LMF1: variants seen among roughly 807,000 people sequenced by gnomAD.
The protein encoded by LMF1 is lipase maturation factor 1.
A neutral mutation model predicts 60.6 loss-of-function variants in LMF1; 68 were observed. The ratio of observed to expected loss-of-function variants is 1.12; its 90% CI spans 0.92 to 1.37. The LOEUF (loss-of-function observed/expected upper bound fraction) is 1.37. LMF1 is among the 40% of genes most tolerant of loss of function. LMF1 has a pLI of 0.00. For missense variants in LMF1, 948 were observed against 767.2 expected (o/e 1.24, Z -2.78); for synonymous variants, 418 against 324.7 (o/e 1.29, Z -3.09).
At chr16:975,490 A>G (rs1178524988), upstream of LMF1, among the ~76,000 whole-genome samples, 1 of 152,202 alleles carries the variant, frequency 6.6e-6, no homozygotes, top group African/African-American at 2.4e-5. Flanking sequence ...CGTAACAAAC[A>G]GCCTCAGAGC....
intron 3 of LMF1, among the ~76,000 whole-genome samples, chr16:921,333 C>A (rs1346244356): frequency 6.6e-6 from 1 of 152,224 alleles, no homozygotes; most frequent in African/African-American, 2.4e-5. Flanking sequence ...CATAGCCCTT[C>A]TTGAGGGGCT....
intron 2 of LMF1, among the ~76,000 whole-genome samples, chr16:943,456 T>C (rs1394104248): frequency 6.6e-6 from 1 of 150,928 alleles, no homozygotes; most frequent in Non-Finnish European, 1.5e-5. Context: ...CTGGGTGTGG[T>C]AGTTCATGCC....
At chr16:933,932 A>G in intron 3 of LMF1, 2 of 1,368,568 alleles carry the variant, frequency 1.5e-6, no homozygotes, top group African/African-American at 1.5e-5. Flanking sequence ...TTGAGCGTCC[A>G]CGGGGGATGG....
rs528553852 is a variant in LMF1, at chr16:888,498, A to G, written c.729+4509T>C. ...GATGACAGCTGACTTCCTAAAACCC[A>G]AGTGGAGAGAGAGGACAGGCCCGGA... On this transcript the variant is annotated intron_variant, in intron 5 of 10. Coordinates refer to ENST00000262301, the MANE Select transcript of LMF1 (RefSeq NM_022773.4). Among the ~76,000 whole-genome samples, 29 of 151,920 alleles carry G rather than the reference A, an allele frequency of 1.9e-4. 1 individual carries two copies. In the South Asian group the frequency reaches 6.0e-3, roughly 32 times the overall value.
intron 5 of LMF1, among the ~76,000 whole-genome samples, chr16:880,191 C>T (rs918776707): frequency 5.3e-5 from 8 of 152,120 alleles, no homozygotes; most frequent in Non-Finnish European, 1.0e-4. Context: ...TGGGTGGGGA[C>T]GTGCCGGTTG....
intron 9 of LMF1, 109 bp downstream of exon 9, chr16:869,774 C>CT: frequency 2.4e-5 from 28 of 1,160,232 alleles, no homozygotes; most frequent in Non-Finnish European, 2.3e-5. Context: ...CTCTCCCAGC[C>CT]TCCCTCCCCA....
chr16:911,745 G>C (rs538965507), intron 3 of LMF1, among the ~76,000 whole-genome samples: 1 of 149,754 alleles, frequency 6.7e-6, no homozygotes, highest in Admixed American at 6.7e-5. Context: ...CTCCATGTGA[G>C]GCAGTGTCTC....
Position 875,115 on chromosome 16 carries a change from C to T in LMF1, c.898-3774G>A, listed in dbSNP as rs116318099. Among the ~76,000 whole-genome samples, 414 of 152,232 alleles carry T rather than the reference C, an allele frequency of 2.7e-3. 4 individuals carry two copies. The highest frequency in any genetic ancestry group is 9.2e-3 in the African/African-American group (380 of 41,524). On this transcript the variant is annotated intron_variant, in intron 6 of 10. Coordinates refer to ENST00000262301, the MANE Select transcript of LMF1 (RefSeq NM_022773.4). ...CACAGTGTGGGGCTGGAGAGGATGACGCAGCCTGACCTCCGAGGCCTGGAA... is the reference window on the plus strand; with the variant it reads ...CACAGTGTGGGGCTGGAGAGGATGATGCAGCCTGACCTCCGAGGCCTGGAA...
At chr16:935,733 T>C (rs116849288) in intron 2 of LMF1, among the ~76,000 whole-genome samples, 6,979 of 152,330 alleles carry the variant, frequency 0.046, 189 homozygotes, top group Non-Finnish European at 0.066. Flanking sequence ...CGTTGCCTAA[T>C]GAAATCCACA....
intron 4 of LMF1, among the ~76,000 whole-genome samples, chr16:906,656 C>T (rs2070980125): frequency 6.6e-6 from 1 of 152,180 alleles, no homozygotes; most frequent in Non-Finnish European, 1.5e-5. Context: ...AGTTCTGTCC[C>T]TCGAGGGAAC....
Position 868,924 on chromosome 16 carries a change from C to T in LMF1, c.1529+20G>A, listed in dbSNP as rs149923445. 3.2e-3 allele frequency: 4,811 copies of T among 1,485,466 alleles called. 212 individuals carry two copies. In the East Asian group the frequency reaches 0.092, roughly 28 times the overall value. The allele number at this position is 1,485,466 out of a possible 1,614,324, so 92.0% of individuals were successfully genotyped here. A position where few individuals can be genotyped will look rare whatever the true frequency, so the allele number is the denominator to read the frequency against. On this transcript the variant is annotated intron_variant, in intron 10 of 10. Coordinates refer to ENST00000262301, the MANE Select transcript of LMF1 (RefSeq NM_022773.4). ...GGATTTGGGGGAGACCCCTGAGCAG[C>T]GGCAGGGAGGGCATCCTACCTGGGC...
upstream of LMF1, among the ~76,000 whole-genome samples, chr16:974,002 T>G (rs1182642333): frequency 7.0e-6 from 1 of 142,726 alleles, no homozygotes; most frequent in Non-Finnish European, 1.5e-5. Context: ...AGAGCGAGAC[T>G]CTGTCTCAAA....
At chr16:862,814 T>A (rs1458599029) in intron 10 of LMF1, among the ~76,000 whole-genome samples, 3 of 152,030 alleles carry the variant, frequency 2.0e-5, no homozygotes, top group African/African-American at 7.3e-5. Flanking sequence ...GCCATGTTTG[T>A]GCCATTGCAC....
chr16:929,710 A>G (rs2071715226), intron 3 of LMF1, among the ~76,000 whole-genome samples: 1 of 152,260 alleles, frequency 6.6e-6, no homozygotes, highest in African/African-American at 2.4e-5. Flanking sequence ...AGCAGCCCTC[A>G]AAGCTCAGCT....
intron 5 of LMF1, chr16:881,333 T>G (rs1279613439): frequency 6.6e-6 from 1 of 152,316 alleles, no homozygotes; most frequent in Non-Finnish European, 1.5e-5. Context: ...GAAAACATCA[T>G]GACCTGAAAC....
At chr16:857,130 G>A (rs982209649) in intron 10 of LMF1, among the ~76,000 whole-genome samples, 8 of 152,244 alleles carry the variant, frequency 5.3e-5, no homozygotes, top group African/African-American at 1.2e-4. Context: ...CGGCGTCTGC[G>A]GCGTGAGTGC....
chr16:876,285 C>T (rs2069971687), intron 6 of LMF1, among the ~76,000 whole-genome samples: 1 of 152,262 alleles, frequency 6.6e-6, no homozygotes, highest in South Asian at 2.1e-4. Flanking sequence ...ATGCTTCCCA[C>T]TCTAGGATGT....
intron 2 of LMF1, 145 bp downstream of exon 2, chr16:954,212 C>A (rs1223582687): frequency 6.7e-6 from 6 of 898,788 alleles, no homozygotes; most frequent in Non-Finnish European, 1.1e-5. Context: ...GCCGCTCTGC[C>A]ATGGCCTAAG....
In LMF1 at chr16:875,613, C is replaced by T. The variant is rs184129836; in HGVS notation, c.897+3957G>A. On this transcript the variant is annotated intron_variant, in intron 6 of 10. Transcript: ENST00000262301. ...TGGCCAGCACAGCCTGAGGGAGGGA[C>T]GCTACAGGGTACACGGGCCATGGAA... Among the ~76,000 whole-genome samples the T allele has an allele frequency of 3.1e-3, 472 of 152,256 alleles. 8 individuals are homozygous for T. The highest frequency in any genetic ancestry group is 0.028 in the Admixed American group (434 of 15,300).
Sources: gnomAD v4.1 joint callset for allele counts (sites outside exome capture counted in the v4.1 genomes callset) on GRCh38, gnomAD v4.1.1 for gene constraint, MANE v1.5 for transcripts, NCBI Gene and HGNC (gene_info 2026-07-23, HGNC 2026-07-21) for gene names.